CADM2: variants seen among roughly 807,000 people sequenced by gnomAD.
CADM2 encodes the protein immunoglobulin superfamily member 4D.
In CADM2, 12 loss-of-function variants were observed where a neutral mutation model predicts 49.8. That is an observed-to-expected ratio of 0.24 (90% confidence interval 0.15 to 0.39). CADM2 has a LOEUF of 0.39. Among genes scored for constraint, CADM2 ranks in the 10% least tolerant of loss-of-function variants. The pLI, the probability that CADM2 is intolerant of heterozygous loss-of-function variation, is 1.00. For missense variants in CADM2, 378 were observed against 492.3 expected (o/e 0.77, Z 2.20); for synonymous variants, 214 against 175.4 (o/e 1.22, Z -1.74).
At chr3:85,135,632 T>C (rs989917716) in intron 1 of CADM2, among the ~76,000 whole-genome samples, 3 of 152,222 alleles carry the variant, frequency 2.0e-5, no homozygotes, top group African/African-American at 7.2e-5. Context: ...ATTCAGTACA[T>C]GAGTTTTTCA....
intron 1 of CADM2, among the ~76,000 whole-genome samples, chr3:84,985,086 G>C (rs1224273007): frequency 6.6e-6 from 1 of 152,134 alleles, no homozygotes; most frequent in African/African-American, 2.4e-5. Context: ...GTTTTGGGCT[G>C]AAGAGTTATT....
intron 1 of CADM2, among the ~76,000 whole-genome samples, chr3:85,365,077 A>G (rs1050741208): frequency 1.3e-5 from 2 of 151,858 alleles, no homozygotes; most frequent in African/African-American, 4.8e-5. Context: ...TTTATTCACA[A>G]TATTTAAAAA....
intron 1 of CADM2, among the ~76,000 whole-genome samples, chr3:85,309,208 G>A (rs1029277168): frequency 4.6e-5 from 7 of 152,188 alleles, no homozygotes; most frequent in South Asian, 2.1e-4. Context: ...GTCTAAATAC[G>A]CTTCTTCTGA....
At chr3:85,161,423 A>G (rs773844576) in intron 1 of CADM2, among the ~76,000 whole-genome samples, 30 of 152,050 alleles carry the variant, frequency 2.0e-4, no homozygotes, top group African/African-American at 4.3e-4. Context: ...CTTAGGTCCT[A>G]TGGCAGGGCT....
chr3:85,718,328 C>T (rs1471377938), intron 1 of CADM2, among the ~76,000 whole-genome samples: 7 of 152,040 alleles, frequency 4.6e-5, no homozygotes, highest in Non-Finnish European at 8.8e-5. Flanking sequence ...AAAGATTGCC[C>T]GTGTACTTTA....
chr3:85,528,982 G>A (rs2061235725), intron 1 of CADM2, among the ~76,000 whole-genome samples: 1 of 152,128 alleles, frequency 6.6e-6, no homozygotes, highest in African/African-American at 2.4e-5. Context: ...ATTTTTAGGA[G>A]TTAGAAAACT....
intron 3 of CADM2, among the ~76,000 whole-genome samples, chr3:85,845,155 C>CAA (rs71112121): frequency 4.3e-4 from 38 of 88,022 alleles, no homozygotes; most frequent in Admixed American, 5.0e-4. Flanking sequence ...GACTTAGTCA[C>CAA]AAAAAAAAAA....
At chr3:85,447,587 C>A (rs2037528517) in intron 1 of CADM2, among the ~76,000 whole-genome samples, 1 of 152,158 alleles carries the variant, frequency 6.6e-6, no homozygotes, top group African/African-American at 2.4e-5. Flanking sequence ...ATTCTATCTA[C>A]AGCACACGTT....
chr3:85,568,888 C>A (rs1411694635), intron 1 of CADM2, among the ~76,000 whole-genome samples: 2 of 151,888 alleles, frequency 1.3e-5, no homozygotes, highest in Non-Finnish European at 2.9e-5. Flanking sequence ...ATATTCTGAA[C>A]GTTTTATATG....
intron 1 of CADM2, among the ~76,000 whole-genome samples, chr3:85,188,294 C>T (rs1288437798): frequency 2.0e-5 from 3 of 151,956 alleles, no homozygotes; most frequent in Non-Finnish European, 4.4e-5. Context: ...TTGAAAGATA[C>T]AAGATAAGCC....
At chr3:85,785,696 G>C (rs1461594543) in intron 2 of CADM2, among the ~76,000 whole-genome samples, 1 of 152,028 alleles carries the variant, frequency 6.6e-6, no homozygotes, top group Non-Finnish European at 1.5e-5. Context: ...CTAAAGATTA[G>C]ACTGAGTTAG....
At chr3:85,960,982 TATA>T (rs1302677256) in intron 7 of CADM2, among the ~76,000 whole-genome samples, 4 of 147,374 alleles carry the variant, frequency 2.7e-5, no homozygotes, top group African/African-American at 7.3e-5. Context: ...TATTATTTAT[TATA>T]ATAAGTATTA....
In CADM2 at chr3:85,097,661, C is replaced by T. The variant is rs138727761; in HGVS notation, c.61+137993C>T. Among the ~76,000 whole-genome samples the T allele has an allele frequency of 2.9e-3, 439 of 152,266 alleles. 2 individuals carry two copies. Among genetic ancestry groups the T allele is most frequent in the African/African-American group, 0.01 (421 of 41,562 alleles). The stretch of plus-strand genomic sequence containing the variant: ...TTTCTAAGAGTTTTTAGTATGTATT[C>T]CTTTGATTGGACATACAGCTGTAAT... On this transcript the variant is annotated intron_variant, in intron 1 of 9. Transcript: ENST00000383699.
chr3:85,918,274 G>A (rs1214195256), intron 6 of CADM2, among the ~76,000 whole-genome samples: 2 of 152,116 alleles, frequency 1.3e-5, no homozygotes, highest in Non-Finnish European at 2.9e-5. Context: ...CATTCAGTAT[G>A]ATATTGGCTG....
intron 1 of CADM2, among the ~76,000 whole-genome samples, chr3:85,713,833 T>C (rs1183793150): frequency 6.6e-6 from 1 of 152,184 alleles, no homozygotes; most frequent in African/African-American, 2.4e-5. Flanking sequence ...AAATACAAAA[T>C]ATATGTTAAG....
At chr3:85,668,730 CT>C (rs2065649387) in intron 1 of CADM2, among the ~76,000 whole-genome samples, 1 of 152,112 alleles carries the variant, frequency 6.6e-6, no homozygotes, top group African/African-American at 2.4e-5. Flanking sequence ...CATTAAACCT[CT>C]TTCTTTTGTA....
intron 1 of CADM2, among the ~76,000 whole-genome samples, chr3:85,031,115 CTG>C (rs1483135605): frequency 6.6e-6 from 1 of 152,160 alleles, no homozygotes; most frequent in Non-Finnish European, 1.5e-5. Context: ...CTGACAGTGA[CTG>C]TGATCTGAGG....
chr3:85,797,630 G>A (rs1012968162), intron 2 of CADM2, among the ~76,000 whole-genome samples: 3 of 152,106 alleles, frequency 2.0e-5, no homozygotes, highest in African/African-American at 4.8e-5. Flanking sequence ...TGGTGTATAT[G>A]TGCCACATTT....
chr3:85,409,250 G>A (rs899812204), intron 1 of CADM2, among the ~76,000 whole-genome samples: 1 of 151,806 alleles, frequency 6.6e-6, no homozygotes, highest in African/African-American at 2.4e-5. Flanking sequence ...CAATGTACTT[G>A]CCTTTTTGTG....
Sources: allele counts gnomAD v4.1 joint callset (sites outside exome capture counted in the v4.1 genomes callset), GRCh38; gene constraint gnomAD v4.1.1; transcripts MANE v1.5; gene names NCBI Gene and HGNC (gene_info 2026-07-23, HGNC 2026-07-21).